Variants in ZNF106 observed in about 807,000 individuals in gnomAD.
The protein encoded by ZNF106 is zinc finger protein 106.
ZNF106 carries 67 observed loss-of-function variants against 195.1 expected under a neutral mutation model. That is an observed-to-expected ratio of 0.34 (90% CI 0.28 to 0.42). The LOEUF is 0.42. Among genes scored for constraint, ZNF106 ranks in the 10% least tolerant of loss-of-function variants. The probability of loss-of-function intolerance (pLI) is 1.00; values close to 1 mark genes in which losing one functional copy is unlikely to be tolerated. For missense variants in ZNF106, 2,118 were observed against 2,304.5 expected, an observed-to-expected ratio of 0.92 and a Z score of 1.66; for synonymous variants, 784 against 818.6, an observed-to-expected ratio of 0.96 and a Z score of 0.72.
Position 42,490,985 on chromosome 15 carries a change from C to G in ZNF106, c.-38G>C, listed in dbSNP as rs2057151304. On this transcript the variant is annotated 5_prime_UTR_variant, in exon 1 of 22. Coordinates refer to ENST00000564754, the MANE Select transcript of ZNF106 (RefSeq NM_001366845.3). The stretch of plus-strand genomic sequence containing the variant: ...GCCGGCCCGTCGATACTCACATTCA[C>G]AGCCAACCCCTCTTACTCCATCAGG... 1 of 152,478 alleles carries G rather than the reference C, an allele frequency of 6.6e-6. No individual in the cohort carries two copies. The highest frequency in any genetic ancestry group is 1.5e-5 in the Non-Finnish European group (1 of 68,250). The allele number at this position is 152,478 out of a possible 1,614,324, so 9.4% of individuals were successfully genotyped here. A position where few individuals can be genotyped will look rare whatever the true frequency, so the allele number is the denominator to read the frequency against.
In ZNF106 at chr15:42,414,595, C is replaced by T. The variant is rs188607693; in HGVS notation, c.*2709G>A. On this transcript the variant is annotated 3_prime_UTR_variant, in exon 22 of 22. Transcript: ENST00000564754. ...GCGAAGTCCAAATCAGAGTTCTTAC[C>T]GATTCTACCACTCTGTAATACTCTC... 9.8e-5 allele frequency: 15 copies of T among 152,426 alleles called. No individual in the cohort carries two copies. The East Asian group carries it at 2.9e-3, about 29-fold the overall frequency. The allele number at this position is 152,426 out of a possible 1,614,324, so 9.4% of individuals were successfully genotyped here. A position where few individuals can be genotyped will look rare whatever the true frequency, so the allele number is the denominator to read the frequency against.
In ZNF106 at chr15:42,450,126, C is replaced by T. The variant is rs369356178; in HGVS notation, c.2146G>A (p.Gly716Ser). ...GCATCCAAGCTAGCACTCTCAAAGC[C>T]TTCTGTTTCATAAGATACATGAGAT... ...IKSHVSYETE[G>S]FESASLDAEL... The change falls in exon 5 of 22, where the codon GGC (glycine) becomes AGC (serine). Residue 716 changes from glycine (G) to serine (S), a missense_variant. Transcript: ENST00000564754. The T allele has an allele frequency of 1.7e-5, 27 of 1,614,066 alleles. No individual in the cohort carries two copies. The highest frequency in any genetic ancestry group is 2.3e-5 in the Non-Finnish European group (27 of 1,180,048).
chr15:42,418,764 G>A (rs2054548293), intron 20 of ZNF106, among the ~76,000 whole-genome samples: 2 of 151,968 alleles, frequency 1.3e-5, no homozygotes, highest in African/African-American at 4.8e-5. Context: ...TACATTTGTG[G>A]AAATATTTAT....
intron 13 of ZNF106, among the ~76,000 whole-genome samples, chr15:42,437,014 AG>A (rs1165120978): frequency 6.6e-6 from 1 of 152,236 alleles, no homozygotes; most frequent in Non-Finnish European, 1.5e-5. Context: ...ACTAGCTTTC[AG>A]GAAGAGGTGA....
At chr15:42,472,128 C>T in intron 2 of ZNF106, 108 bp downstream of exon 2, 1 of 1,067,160 alleles carries the variant, frequency 9.4e-7, no homozygotes, top group Non-Finnish European at 1.3e-6. Flanking sequence ...ATTGTCAAAG[C>T]TTTTCCTATT....
chr15:42,450,690 T>G lies in ZNF106; in HGVS notation c.1582A>C (p.Lys528Gln). 1 of 1,614,202 alleles carries G rather than the reference T, an allele frequency of 6.2e-7. No individual in the cohort carries two copies. Among genetic ancestry groups the G allele is most frequent in the Non-Finnish European group, 8.5e-7 (1 of 1,180,038 alleles). The change falls in exon 5 of 22, where the codon AAA becomes CAA. Residue 528 changes from lysine to glutamine, a missense_variant. Coordinates refer to ENST00000564754, the MANE Select transcript of ZNF106 (RefSeq NM_001366845.3). ...ACATGAGGACATGAACTACGCAGTT[T>G]GGATATGTAAGGACCATGGTTATCT... is the stretch of plus-strand genomic sequence containing the variant. ...VEDNHGPYIS[K>Q]LRSSCPHVLK...
At chr15:42,435,570 G>T in intron 13 of ZNF106, 52 bp from the exon 14 acceptor site, 1 of 1,603,812 alleles carries the variant, frequency 6.2e-7, no homozygotes, top group Non-Finnish European at 8.5e-7. Context: ...AGGAGGATTA[G>T]ATAATATATT....
chr15:42,441,224 T>C (rs1253065160), intron 10 of ZNF106, among the ~76,000 whole-genome samples: 3 of 147,126 alleles, frequency 2.0e-5, no homozygotes, highest in East Asian at 2.0e-4. Context: ...GCATCTGTAG[T>C]CCTAGCTCCT....
At position 42,449,968 on chromosome 15, in the gene ZNF106, G is replaced by C. The variant is rs761611408; in HGVS notation, c.2304C>G (p.His768Gln). 2 of 1,614,184 alleles carry C rather than the reference G, an allele frequency of 1.2e-6. No homozygotes were observed. The highest frequency in any genetic ancestry group is 1.7e-6 in the Non-Finnish European group (2 of 1,180,032). The change falls in exon 5 of 22, where the codon CAC becomes CAG. Residue 768 changes from histidine (H) to glutamine (Q), a missense_variant. Physicochemically the swap from His to Gln is conservative, Grantham distance 24. Coordinates refer to ENST00000564754, the MANE Select transcript of ZNF106 (RefSeq NM_001366845.3). The stretch of plus-strand genomic sequence containing the variant: ...CACTATTGAGGTTTGGCTCAGGAAG[G>C]TGTACTCCAGTTTTGCTCTTCAAAC... ...HISLKSKTGV[H>Q]LPEPNLNSAR...
intron 12 of ZNF106, among the ~76,000 whole-genome samples, chr15:42,437,728 GA>G: frequency 6.6e-6 from 1 of 152,038 alleles, no homozygotes; most frequent in East Asian, 1.9e-4. Flanking sequence ...CCAACATGGT[GA>G]AACCCCATCT....
Position 42,424,185 on chromosome 15 carries a change from TAA to T in ZNF106, c.5191-127_5191-126del. 5 of 761,374 alleles carry T rather than the reference TAA, an allele frequency of 6.6e-6. No homozygotes were observed. In the South Asian group the frequency reaches 1.1e-4, roughly 16 times the overall value. 47.2% of individuals were successfully genotyped at this position (761,374 alleles called of 1,614,324 possible). A position where few individuals can be genotyped will look rare whatever the true frequency, so the allele number is the denominator to read the frequency against. ...TGAGATGAGCACGATGAACTAGGTA[TAA>T]AAGTTTCTCAGATGAATTTTCTCAG... On this transcript the variant is annotated intron_variant, in intron 16 of 21. Coordinates refer to ENST00000564754, the MANE Select transcript of ZNF106 (RefSeq NM_001366845.3).
intron 3 of ZNF106, among the ~76,000 whole-genome samples, chr15:42,459,246 C>T (rs970021452): frequency 2.0e-5 from 3 of 151,912 alleles, no homozygotes; most frequent in Non-Finnish European, 2.9e-5. Flanking sequence ...GAGGCCGAGG[C>T]GGATGGATCA....
At chr15:42,435,886 G>A (rs2055255089) in intron 13 of ZNF106, among the ~76,000 whole-genome samples, 1 of 151,950 alleles carries the variant, frequency 6.6e-6, no homozygotes. Flanking sequence ...TTGATAAGCA[G>A]TTTGTGAGAA....
intron 10 of ZNF106, among the ~76,000 whole-genome samples, chr15:42,441,310 T>C (rs914007400): frequency 6.6e-6 from 1 of 151,706 alleles, no homozygotes; most frequent in Non-Finnish European, 1.5e-5. Context: ...GCCACCATAC[T>C]CCAGCCTGAG....
intron 10 of ZNF106, 73 bp downstream of exon 10, chr15:42,442,000 C>T: frequency 8.1e-7 from 1 of 1,236,178 alleles, no homozygotes. Context: ...GCAAGTATGG[C>T]TTATATCACT....
At chr15:42,442,788 G>T (rs1250122753) in intron 9 of ZNF106, among the ~76,000 whole-genome samples, 1 of 149,964 alleles carries the variant, frequency 6.7e-6, no homozygotes, top group Non-Finnish European at 1.5e-5. Flanking sequence ...AGCTATTATT[G>T]TTATTATTTT....
intron 20 of ZNF106, among the ~76,000 whole-genome samples, chr15:42,419,321 C>T (rs1399300911): frequency 6.6e-6 from 1 of 151,414 alleles, no homozygotes. Flanking sequence ...GAGCCAAGAT[C>T]GCACTCCAGC....
chr15:42,468,786 C>T (rs908310016), intron 2 of ZNF106, among the ~76,000 whole-genome samples: 4 of 152,140 alleles, frequency 2.6e-5, no homozygotes, highest in East Asian at 1.9e-4. Context: ...TAGCTTTACA[C>T]ATGACCTCTT....
At position 42,413,298 on chromosome 15, in the gene ZNF106, T is replaced by C. The variant is rs1463792030; in HGVS notation, c.*4006A>G. 1 of 152,204 alleles carries C rather than the reference T, an allele frequency of 6.6e-6. No homozygotes were observed. Among genetic ancestry groups the C allele is most frequent in the Non-Finnish European group, 1.5e-5 (1 of 68,038 alleles). 9.4% of individuals were successfully genotyped at this position (152,204 alleles called of 1,614,324 possible). A position where few individuals can be genotyped will look rare whatever the true frequency, so the allele number is the denominator to read the frequency against. On this transcript the variant is annotated 3_prime_UTR_variant, in exon 22 of 22. Transcript: ENST00000564754. ...CCCAAATCACCTCCACCACAACTTCTATTCCTGTCTATTAGACCACTTCTC... is the reference window on the plus strand; with the variant it reads ...CCCAAATCACCTCCACCACAACTTCCATTCCTGTCTATTAGACCACTTCTC...
Sources: allele counts gnomAD v4.1 joint callset (sites outside exome capture counted in the v4.1 genomes callset), GRCh38; gene constraint gnomAD v4.1.1; transcripts MANE v1.5; gene names NCBI Gene and HGNC (gene_info 2026-07-23, HGNC 2026-07-21).